Variants in RAPGEF2 observed in about 807,000 individuals in gnomAD.
RAPGEF2 encodes the protein PDZ domain containing guanine nucleotide exchange factor (GEF) 1.
RAPGEF2 carries 54 observed loss-of-function variants against 186.7 expected under a neutral mutation model. The observed-to-expected ratio is 0.29, with a 90% CI of 0.23 to 0.36. The LOEUF is 0.36. RAPGEF2 is among the 10% of genes least tolerant of loss of function. The probability of loss-of-function intolerance (pLI) is 1.00; values close to 1 mark genes in which losing one functional copy is unlikely to be tolerated. For synonymous variants in RAPGEF2, 712 were observed against 705.9 expected (o/e 1.01, Z -0.14); for missense variants, 1,532 against 2,045.0 (o/e 0.75, Z 4.84).
intron 1 of RAPGEF2, among the ~76,000 whole-genome samples, chr4:159,184,403 G>C (rs1747346198): frequency 6.6e-6 from 1 of 152,144 alleles, no homozygotes; most frequent in African/African-American, 2.4e-5. Flanking sequence ...TCCAGCACCT[G>C]TTGTTTCCTG....
At chr4:159,172,576 T>A (rs985732212) in intron 1 of RAPGEF2, among the ~76,000 whole-genome samples, 1 of 152,186 alleles carries the variant, frequency 6.6e-6, no homozygotes, top group Non-Finnish European at 1.5e-5. Flanking sequence ...AAAGGTCTAC[T>A]TATTTATGAA....
intron 1 of RAPGEF2, among the ~76,000 whole-genome samples, chr4:159,116,984 C>A (rs1172765242): frequency 6.6e-6 from 1 of 152,056 alleles, no homozygotes; most frequent in Non-Finnish European, 1.5e-5. Context: ...CACACTGTTA[C>A]CTATAACAAG....
intron 8 of RAPGEF2, among the ~76,000 whole-genome samples, chr4:159,306,724 T>C (rs1485093894): frequency 6.6e-6 from 1 of 152,168 alleles, no homozygotes; most frequent in African/African-American, 2.4e-5. Context: ...GGGGAATGCT[T>C]TCAACTTTTC....
intron 1 of RAPGEF2, among the ~76,000 whole-genome samples, chr4:159,133,802 C>G (rs931456827): frequency 1.3e-5 from 2 of 152,124 alleles, no homozygotes; most frequent in Non-Finnish European, 2.9e-5. Flanking sequence ...CCAGGATGGT[C>G]TCGATCTCCT....
rs2111034973 is a variant in RAPGEF2, at chr4:159,104,074, C to T, written c.-89C>T. Reference sequence around the variant, plus strand: ...TTAGTCGCGGGCGGGCGGGCGGGCGCAGCGCGCAGGGCGGAGGCAGCAGCG... The same window carrying T: ...TTAGTCGCGGGCGGGCGGGCGGGCGTAGCGCGCAGGGCGGAGGCAGCAGCG... On this transcript the variant is annotated 5_prime_UTR_variant, in exon 1 of 30. Coordinates refer to ENST00000691494, the MANE Select transcript of RAPGEF2 (RefSeq NM_001394067.2). 1 of 771,488 alleles carries T rather than the reference C, an allele frequency of 1.3e-6. No individual in the cohort carries two copies. The highest frequency in any genetic ancestry group is 1.7e-6 in the Non-Finnish European group (1 of 599,760). The allele number at this position is 771,488 out of a possible 1,614,324, so 47.8% of individuals were successfully genotyped here. A position where few individuals can be genotyped will look rare whatever the true frequency, so the allele number is the denominator to read the frequency against.
At chr4:159,239,473 A>T (rs1753691916) in intron 5 of RAPGEF2, among the ~76,000 whole-genome samples, 1 of 152,192 alleles carries the variant, frequency 6.6e-6, no homozygotes, top group Non-Finnish European at 1.5e-5. Context: ...AAATTTGGGG[A>T]TTATTATGCT....
Position 159,249,450 on chromosome 4 carries a change from A to G in RAPGEF2, c.543+5659A>G, listed in dbSNP as rs147594058. Among the ~76,000 whole-genome samples, 29 of 151,936 alleles carry G rather than the reference A, an allele frequency of 1.9e-4. No homozygotes were observed. In the East Asian group the frequency reaches 5.6e-3, roughly 29 times the overall value. On this transcript the variant is annotated intron_variant, in intron 7 of 29. Transcript: ENST00000691494. ...CTTTTGGTTTTGAATGCAGTTTTAAAACATTATTAACCTGAAATGCCTCTC... is the reference window on the plus strand; with the variant it reads ...CTTTTGGTTTTGAATGCAGTTTTAAGACATTATTAACCTGAAATGCCTCTC...
chr4:159,146,961 T>C (rs1206791788), intron 1 of RAPGEF2, among the ~76,000 whole-genome samples: 1 of 152,238 alleles, frequency 6.6e-6, no homozygotes, highest in African/African-American at 2.4e-5. Context: ...ACATTCTCTT[T>C]TGCTCTTATT....
In RAPGEF2 at chr4:159,164,913, A is replaced by C. The variant is rs1745137678; in HGVS notation, c.70-21729A>C. Among the ~76,000 whole-genome samples, 2 of 152,204 alleles carry C rather than the reference A, an allele frequency of 1.3e-5. 1 individual carries two copies. Among genetic ancestry groups the C allele is most frequent in the African/African-American group, 4.8e-5 (2 of 41,454 alleles). ...TGTTTTAAGAAAAATGAAGTTCAAA[A>C]TATTGCAAGCACACAGGATGGTATA... On this transcript the variant is annotated intron_variant, in intron 1 of 29. Coordinates refer to ENST00000691494, the MANE Select transcript of RAPGEF2 (RefSeq NM_001394067.2).
chr4:159,182,386 C>CTTTTTTTTTTTTTT (rs575743979), intron 1 of RAPGEF2, among the ~76,000 whole-genome samples: 1 of 85,672 alleles, frequency 1.2e-5, no homozygotes, highest in African/African-American at 4.4e-5. Context: ...TTCTTTTCTT[C>CTTTTTTTTTTTTTT]TTTTTTTTTT....
chr4:159,184,330 A>G (rs966638699), intron 1 of RAPGEF2, among the ~76,000 whole-genome samples: 1 of 152,204 alleles, frequency 6.6e-6, no homozygotes, highest in African/African-American at 2.4e-5. Context: ...GTCTTCCACA[A>G]TCGTTGAACT....
At chr4:159,249,678 C>G (rs921444205) in intron 7 of RAPGEF2, among the ~76,000 whole-genome samples, 2 of 151,744 alleles carry the variant, frequency 1.3e-5, no homozygotes, top group African/African-American at 4.9e-5. Flanking sequence ...TCAGTATTAT[C>G]TGTACTATTT....
intron 7 of RAPGEF2, among the ~76,000 whole-genome samples, chr4:159,295,726 TG>T (rs1761872186): frequency 1.5e-5 from 1 of 65,762 alleles, no homozygotes; most frequent in Admixed American, 1.3e-4. Flanking sequence ...TGTGAGTGTG[TG>T]TGTGTGTGTG....
chr4:159,279,731 T>C (rs918592226), intron 7 of RAPGEF2, among the ~76,000 whole-genome samples: 1 of 152,010 alleles, frequency 6.6e-6, no homozygotes, highest in East Asian at 1.9e-4. Flanking sequence ...CAGGCTGGAG[T>C]GCAGTGGTGT....
intron 28 of RAPGEF2, among the ~76,000 whole-genome samples, 170 bp downstream of exon 28, chr4:159,354,216 GA>G (rs1193445236): frequency 6.6e-6 from 1 of 152,140 alleles, no homozygotes; most frequent in African/African-American, 2.4e-5. Flanking sequence ...TAGTGGTTAA[GA>G]GCCCAGGTTT....
chr4:159,303,418 T>C (rs1017336204), intron 7 of RAPGEF2, among the ~76,000 whole-genome samples: 1 of 152,188 alleles, frequency 6.6e-6, no homozygotes, highest in African/African-American at 2.4e-5. Context: ...TATTTCATGA[T>C]GCTAGTTAAC....
intron 1 of RAPGEF2, among the ~76,000 whole-genome samples, chr4:159,167,014 T>C (rs1430414936): frequency 6.6e-6 from 1 of 152,096 alleles, no homozygotes; most frequent in East Asian, 1.9e-4. Context: ...GGTCCTTTAA[T>C]TGGTTTATGT....
chr4:159,286,988 T>C (rs930181077), intron 7 of RAPGEF2, among the ~76,000 whole-genome samples: 24 of 152,150 alleles, frequency 1.6e-4, no homozygotes, highest in African/African-American at 5.6e-4. Context: ...ATGTGTTTAA[T>C]ATAAAAAAGC....
chr4:159,104,079 C>A lies in RAPGEF2; in HGVS notation c.-84C>A. 2 of 834,410 alleles carry A rather than the reference C, an allele frequency of 2.4e-6. No homozygotes were observed. The highest frequency in any genetic ancestry group is 3.1e-6 in the Non-Finnish European group (2 of 648,864). 51.7% of individuals were successfully genotyped at this position (834,410 alleles called of 1,614,324 possible). On this transcript the variant is annotated 5_prime_UTR_variant, in exon 1 of 30. Transcript: ENST00000691494. ...CGCGGGCGGGCGGGCGGGCGCAGCG[C>A]GCAGGGCGGAGGCAGCAGCGGCGCT...
Sources: gnomAD v4.1 joint callset for allele counts (sites outside exome capture counted in the v4.1 genomes callset) on GRCh38, gnomAD v4.1.1 for gene constraint, MANE v1.5 for transcripts, NCBI Gene and HGNC (gene_info 2026-07-23, HGNC 2026-07-21) for gene names.